The following NRG1 variants were observed in gnomAD, a reference collection of about 807,000 sequenced individuals.
NRG1 encodes neuregulin 1.
NRG1 carries 18 observed loss-of-function variants against 63.8 expected under a neutral mutation model. The observed-to-expected ratio is 0.28, with a 90% CI of 0.19 to 0.42. The LOEUF is 0.42. NRG1 is among the 10% of genes least tolerant of loss of function. The probability of loss-of-function intolerance (pLI) is 1.00; values close to 1 mark genes in which losing one functional copy is unlikely to be tolerated. For synonymous variants in NRG1, 302 were observed against 301.3 expected (o/e 1.00, Z -0.02); for missense variants, 762 against 814.7 (o/e 0.94, Z 0.79).
intron 1 of NRG1, among the ~76,000 whole-genome samples, chr8:32,415,365 C>CAAAAAAAA (rs5890647): frequency 8.7e-6 from 1 of 115,344 alleles, no homozygotes. Flanking sequence ...GACTCTGTCT[C>CAAAAAAAA]AAAAAAAAAA....
At chr8:32,121,326 G>A (rs965701514) in intron 1 of NRG1, among the ~76,000 whole-genome samples, 13 of 151,880 alleles carry the variant, frequency 8.6e-5, no homozygotes, top group African/African-American at 3.1e-4. Flanking sequence ...AAAACACTGG[G>A]GCTTAAGTGT....
chr8:31,813,669 A>C (rs544354872), intron 1 of NRG1, among the ~76,000 whole-genome samples: 48 of 151,636 alleles, frequency 3.2e-4, no homozygotes, highest in African/African-American at 1.1e-3. Flanking sequence ...CTGGGACTAC[A>C]GGTGCACACC....
intron 1 of NRG1, among the ~76,000 whole-genome samples, chr8:32,048,799 C>T (rs536648397): frequency 5.3e-5 from 8 of 151,770 alleles, no homozygotes; most frequent in Non-Finnish European, 1.0e-4. Flanking sequence ...ATATTTTGCC[C>T]GTTTTTTAAT....
chr8:32,639,910 C>T (rs1197483035), intron 5 of NRG1, among the ~76,000 whole-genome samples: 3 of 152,144 alleles, frequency 2.0e-5, no homozygotes, highest in Non-Finnish European at 4.4e-5. Flanking sequence ...TTAGCTAAAA[C>T]TTCTCTTACT....
intron 1 of NRG1, among the ~76,000 whole-genome samples, chr8:32,312,784 CCCTT>C (rs143478834): frequency 0.32 from 47,784 of 151,130 alleles, 8,158 homozygotes; most frequent in South Asian, 0.47. Context: ...CTCTCTCCTT[CCCTT>C]CCTTCCTTCC....
At chr8:32,297,035 A>C (rs1424425456) in intron 1 of NRG1, among the ~76,000 whole-genome samples, 11 of 152,046 alleles carry the variant, frequency 7.2e-5, no homozygotes, top group Admixed American at 7.2e-4. Flanking sequence ...GAATCGCTTG[A>C]AACCAGGAGG....
chr8:32,556,278 A>C (rs1835160173), intron 1 of NRG1, among the ~76,000 whole-genome samples: 1 of 152,246 alleles, frequency 6.6e-6, no homozygotes, highest in Admixed American at 6.5e-5. Context: ...GTAATACATA[A>C]AAGAAATCTG....
intron 1 of NRG1, among the ~76,000 whole-genome samples, chr8:31,825,276 T>A (rs1176961350): frequency 6.6e-6 from 1 of 151,752 alleles, no homozygotes; most frequent in Non-Finnish European, 1.5e-5. Flanking sequence ...TAGTCCCAGC[T>A]ACTCGGGAGG....
intron 1 of NRG1, among the ~76,000 whole-genome samples, chr8:31,802,818 A>G (rs1257907700): frequency 1.3e-5 from 2 of 152,208 alleles, no homozygotes; most frequent in Non-Finnish European, 2.9e-5. Context: ...GCAGGGAACA[A>G]TATGGATCTG....
rs186936078 is a variant in NRG1, at chr8:32,698,453, C to T, written c.503-29496C>T. On this transcript the variant is annotated intron_variant, in intron 5 of 11. Transcript: ENST00000356819. Reference sequence around the variant, plus strand: ...CAAGGACTGATTTTGATAATGTGCCCACATTTCAGCGAGGGCGTTTTAAGA... The same window carrying T: ...CAAGGACTGATTTTGATAATGTGCCTACATTTCAGCGAGGGCGTTTTAAGA... Among the ~76,000 whole-genome samples, 10 of 152,236 alleles carry T rather than the reference C, an allele frequency of 6.6e-5. No homozygotes were observed. The East Asian group carries it at 1.9e-3, about 29-fold the overall frequency.
intron 1 of NRG1, among the ~76,000 whole-genome samples, chr8:32,066,643 C>T (rs2130971599): frequency 2.0e-5 from 3 of 152,022 alleles, no homozygotes; most frequent in South Asian, 4.2e-4. Flanking sequence ...CTTTGTTCTT[C>T]TGGCTTAGTG....
intron 9 of NRG1, 40 bp downstream of exon 9, chr8:32,756,569 T>C (rs1829736448): frequency 6.3e-7 from 1 of 1,581,834 alleles, no homozygotes; most frequent in Non-Finnish European, 8.6e-7. Flanking sequence ...TGAGCCTCTC[T>C]CCTTTGTTCA....
intron 1 of NRG1, among the ~76,000 whole-genome samples, chr8:32,509,233 C>T (rs1025922358): frequency 6.6e-6 from 1 of 151,924 alleles, no homozygotes; most frequent in Non-Finnish European, 1.5e-5. Context: ...GCTGGGACTA[C>T]AGGTGACCAC....
At chr8:31,959,566 A>G (rs962916491) in intron 1 of NRG1, among the ~76,000 whole-genome samples, 3 of 152,208 alleles carry the variant, frequency 2.0e-5, no homozygotes, top group East Asian at 3.9e-4. Context: ...TTGATGGGTC[A>G]TGAAAGAACA....
chr8:32,138,194 T>C (rs1441668861), intron 1 of NRG1, among the ~76,000 whole-genome samples: 6 of 151,962 alleles, frequency 3.9e-5, no homozygotes. Context: ...ACAGCGTCAG[T>C]GAGGACAATA....
chr8:31,846,813 A>C (rs1207713836), intron 1 of NRG1, among the ~76,000 whole-genome samples: 1 of 152,166 alleles, frequency 6.6e-6, no homozygotes, highest in East Asian at 1.9e-4. Flanking sequence ...AATATTAAAC[A>C]TGATGTGTTA....
chr8:32,024,412 G>A (rs1054141565), intron 1 of NRG1, among the ~76,000 whole-genome samples: 7 of 152,174 alleles, frequency 4.6e-5, no homozygotes, highest in Admixed American at 6.5e-5. Flanking sequence ...AAAGGGGAGC[G>A]GAAGGGCAGA....
chr8:32,302,840 T>C (rs904251805), intron 1 of NRG1, among the ~76,000 whole-genome samples: 1 of 149,286 alleles, frequency 6.7e-6, no homozygotes, highest in African/African-American at 2.5e-5. Flanking sequence ...CAGAAGTAAC[T>C]GTTTAATGAA....
chr8:32,576,167 A>C (rs2439299), intron 1 of NRG1, among the ~76,000 whole-genome samples: 73,536 of 151,900 alleles, frequency 0.48, 18,016 homozygotes, highest in East Asian at 0.78. Context: ...AGCAATTTTC[A>C]AATAATGTAA....
Sources: gnomAD v4.1 joint callset for allele counts (sites outside exome capture counted in the v4.1 genomes callset) on GRCh38, gnomAD v4.1.1 for gene constraint, MANE v1.5 for transcripts, NCBI Gene and HGNC (gene_info 2026-07-23, HGNC 2026-07-21) for gene names.